Variants in LRP1B observed in about 807,000 individuals in gnomAD.
LRP1B encodes the protein low-density lipoprotein receptor-related protein 1B.
LRP1B carries 217 observed loss-of-function variants against 556.6 expected under a neutral mutation model. The observed-to-expected ratio is 0.39, with a 90% confidence interval of 0.35 to 0.44. The LOEUF (loss-of-function observed/expected upper bound fraction) is 0.44, where lower values mean the gene tolerates loss of function less well. LRP1B is among the 20% of genes least tolerant of loss of function. LRP1B has a pLI of 1.00. For synonymous variants in LRP1B, 2,047 were observed against 1,865.8 expected (o/e 1.10, Z -2.50); for missense variants, 5,053 against 5,620.8 (o/e 0.90, Z 3.23).
chr2:141,691,296 A>G (rs1444607467), intron 2 of LRP1B, among the ~76,000 whole-genome samples: 1 of 151,924 alleles, frequency 6.6e-6, no homozygotes, highest in Non-Finnish European at 1.5e-5. Context: ...TATTCAGTAC[A>G]GGAGCATAAG....
intron 35 of LRP1B, among the ~76,000 whole-genome samples, chr2:140,764,576 A>G (rs1276450115): frequency 6.6e-6 from 1 of 152,186 alleles, no homozygotes; most frequent in Admixed American, 6.6e-5. Context: ...CATTCACTGT[A>G]TAAACGTGGC....
At chr2:140,245,368 T>G (rs1216840726) in intron 87 of LRP1B, among the ~76,000 whole-genome samples, 1 of 151,352 alleles carries the variant, frequency 6.6e-6, no homozygotes, top group Non-Finnish European at 1.5e-5. Context: ...CACCAAACTT[T>G]CCCTTTGTGG....
rs540243791 is a variant in LRP1B, at chr2:141,172,572, T to C, written c.1013+15849A>G. Reference sequence around the variant, plus strand: ...ATACTTTAGCCTTCAATCCCATAGATTACCGAACAAGTTTTATGAGCTGTT... The same window carrying C: ...ATACTTTAGCCTTCAATCCCATAGACTACCGAACAAGTTTTATGAGCTGTT... On this transcript the variant is annotated intron_variant, in intron 7 of 90. Coordinates refer to ENST00000389484, the MANE Select transcript of LRP1B (RefSeq NM_018557.3). Among the ~76,000 whole-genome samples, 4 of 152,144 alleles carry C rather than the reference T, an allele frequency of 2.6e-5. No homozygotes were observed. The East Asian group carries it at 5.8e-4, about 22-fold the overall frequency.
At chr2:140,902,535 C>CCTGT (rs1433262598) in intron 23 of LRP1B, among the ~76,000 whole-genome samples, 1 of 152,056 alleles carries the variant, frequency 6.6e-6, no homozygotes, top group Admixed American at 6.6e-5. Flanking sequence ...AGAAGATGAA[C>CCTGT]ACAGCCAGAG....
At chr2:141,492,318 T>C (rs1315822494) in intron 2 of LRP1B, among the ~76,000 whole-genome samples, 1 of 152,190 alleles carries the variant, frequency 6.6e-6, no homozygotes, top group East Asian at 1.9e-4. Flanking sequence ...TTTATAGATC[T>C]CCCTTAAGAC....
At chr2:141,048,141 T>C (rs1328438868) in intron 11 of LRP1B, among the ~76,000 whole-genome samples, 1 of 152,108 alleles carries the variant, frequency 6.6e-6, no homozygotes, top group African/African-American at 2.4e-5. Flanking sequence ...CGTGATGTCC[T>C]TCATACAATA....
Position 141,240,682 on chromosome 2 carries a change from T to TA in LRP1B, c.592+6543dup, listed in dbSNP as rs567305098. 2.1e-3 allele frequency among the ~76,000 whole-genome samples: 326 copies of TA among 152,138 alleles called. 1 individual carries two copies. The Middle Eastern group carries it at 0.024, about 11-fold the overall frequency. On this transcript the variant is annotated intron_variant, in intron 5 of 90. Transcript: ENST00000389484. Reference sequence around the variant, plus strand: ...TGATAGCTAGTCTACACAAAGTTATTAAAAAAACATGATAGAAATTTCTGC... The same window carrying TA: ...TGATAGCTAGTCTACACAAAGTTATTAAAAAAAACATGATAGAAATTTCTGC...
intron 2 of LRP1B, among the ~76,000 whole-genome samples, chr2:141,581,319 A>T (rs1216804765): frequency 6.6e-6 from 1 of 152,198 alleles, no homozygotes; most frequent in Admixed American, 6.5e-5. Context: ...CCTAGGTAAT[A>T]CACTTTAAGC....
intron 2 of LRP1B, among the ~76,000 whole-genome samples, chr2:141,546,681 G>T (rs771353639): frequency 2.0e-5 from 3 of 152,120 alleles, no homozygotes; most frequent in Non-Finnish European, 4.4e-5. Context: ...TCTTAAGCTT[G>T]CATTTTACTT....
At chr2:140,429,438 G>T (rs62172976) in intron 66 of LRP1B, among the ~76,000 whole-genome samples, 1 of 151,802 alleles carries the variant, frequency 6.6e-6, no homozygotes, top group Non-Finnish European at 1.5e-5. Context: ...GCCTCTCTTC[G>T]CTTTCACTTG....
At chr2:142,081,259 A>G (rs547345468) in intron 1 of LRP1B, among the ~76,000 whole-genome samples, 12 of 152,326 alleles carry the variant, frequency 7.9e-5, no homozygotes, top group African/African-American at 2.6e-4. Flanking sequence ...AGGAAAAAAT[A>G]TTTTGTGAAA....
intron 41 of LRP1B, among the ~76,000 whole-genome samples, chr2:140,680,654 G>T (rs1457570412): frequency 6.6e-6 from 1 of 152,060 alleles, no homozygotes; most frequent in Admixed American, 6.6e-5. Flanking sequence ...CATCATGAGT[G>T]ATGCACTTGG....
chr2:142,058,684 C>T (rs1400947001), intron 1 of LRP1B, among the ~76,000 whole-genome samples: 2 of 152,112 alleles, frequency 1.3e-5, no homozygotes, highest in Non-Finnish European at 2.9e-5. Flanking sequence ...TTTACTCCTT[C>T]TATTTCTCTC....
intron 41 of LRP1B, among the ~76,000 whole-genome samples, chr2:140,648,972 G>T (rs1474174375): frequency 6.6e-6 from 1 of 152,056 alleles, no homozygotes; most frequent in Non-Finnish European, 1.5e-5. Context: ...CTGGTAGTGG[G>T]GTGGGAGAGA....
At chr2:142,117,421 G>A (rs949288002) in intron 1 of LRP1B, among the ~76,000 whole-genome samples, 2 of 151,762 alleles carry the variant, frequency 1.3e-5, no homozygotes, top group African/African-American at 4.8e-5. Context: ...CATTATGCTC[G>A]GCTCTCTAGG....
chr2:141,856,016 GT>G (rs1162788929), intron 1 of LRP1B, among the ~76,000 whole-genome samples: 1 of 152,120 alleles, frequency 6.6e-6, no homozygotes, highest in African/African-American at 2.4e-5. Context: ...TTAACTGAGT[GT>G]GCTATGTAAA....
chr2:141,585,884 AC>A (rs1687119484), intron 2 of LRP1B, among the ~76,000 whole-genome samples: 1 of 117,086 alleles, frequency 8.5e-6, no homozygotes. Flanking sequence ...CTACAGGTGC[AC>A]TTTTTTTTTT....
chr2:141,249,064 T>C (rs193068851), intron 4 of LRP1B, among the ~76,000 whole-genome samples: 4 of 152,310 alleles, frequency 2.6e-5, no homozygotes, highest in African/African-American at 9.6e-5. Context: ...TTGATTTCAC[T>C]GTGTTAAATT....
chr2:140,609,583 C>T (rs994139020), intron 41 of LRP1B, among the ~76,000 whole-genome samples: 1 of 152,122 alleles, frequency 6.6e-6, no homozygotes, highest in Admixed American at 6.5e-5. Context: ...ATTAGTTCTC[C>T]TAATGATCTG....
Sources: gnomAD v4.1 joint callset for allele counts (sites outside exome capture counted in the v4.1 genomes callset) on GRCh38, gnomAD v4.1.1 for gene constraint, MANE v1.5 for transcripts, NCBI Gene and HGNC (gene_info 2026-07-23, HGNC 2026-07-21) for gene names.